DEFA4: variants seen among roughly 807,000 people sequenced by gnomAD.
DEFA4 encodes the protein defensin alpha 4, also known as corticostatin.
A neutral mutation model predicts 4.4 loss-of-function variants in DEFA4; 8 were observed. The observed-to-expected ratio is 1.82, with a 90% CI of 1.07 to 3.29. The LOEUF (loss-of-function observed/expected upper bound fraction) is 3.29. Ranked by LOEUF, DEFA4 falls within the 30% of genes most tolerant of loss-of-function variation. DEFA4 has a pLI of 0.00. For missense variants in DEFA4, 216 were observed against 127.0 expected (o/e 1.70, Z -3.37); for synonymous variants, 77 against 46.5 (o/e 1.66, Z -2.67).
Position 6,936,715 on chromosome 8 carries a change from T to A in DEFA4, c.172+13A>T. The A allele has an allele frequency of 6.3e-7, 1 of 1,577,794 alleles. No individual in the cohort carries two copies. Among genetic ancestry groups the A allele is most frequent in the African/African-American group, 1.4e-5 (1 of 73,858 alleles). On this transcript the variant is annotated intron_variant, in intron 2 of 2. Coordinates refer to ENST00000297435, the MANE Select transcript of DEFA4 (RefSeq NM_001925.3). Reference sequence around the variant, plus strand: ...TCTAGACTCGGTAGCTTTTTTATGCTGGCCTCTCTCACCTGAAACCTGAAG... The same window carrying A: ...TCTAGACTCGGTAGCTTTTTTATGCAGGCCTCTCTCACCTGAAACCTGAAG...
chr8:6,936,403 A>G (rs1440455792), intron 2 of DEFA4, among the ~76,000 whole-genome samples: 3 of 152,058 alleles, frequency 2.0e-5, no homozygotes, highest in African/African-American at 7.2e-5. Context: ...GCCCATCTCC[A>G]GTTTTTAAAA....
At position 6,936,029 on chromosome 8, in the gene DEFA4, AC is replaced by A. The variant is rs765263399; in HGVS notation, c.284del (p.Arg95LeufsTer22). 6.2e-7 allele frequency: 1 copy of A among 1,613,882 alleles called. No homozygotes were observed. The highest frequency in any genetic ancestry group is 8.5e-7 in the Non-Finnish European group (1 of 1,179,896). ...CTTGGACAGCAGAACGTTAATCGAC[AC>A]GCGTGCAGCAGTATGTGAAACTCAC... ...GGVSFTYCCTRVD is the reference protein window; with the variant it reads ...GGVSFTYCCTXVD On this transcript the variant is annotated frameshift_variant, in exon 3 of 3. Transcript: ENST00000297435. LOFTEE classifies it high-confidence loss of function.
In DEFA4 at chr8:6,935,955, G is replaced by C; in HGVS notation, c.*65C>G. On this transcript the variant is annotated 3_prime_UTR_variant, in exon 3 of 3. Coordinates refer to ENST00000297435, the MANE Select transcript of DEFA4 (RefSeq NM_001925.3). ...CTATTCTGCAAGCTCAGCTGCAGAA[G>C]CATGTGAAGCTAACACCACCGATGA... 1 of 1,607,814 alleles carries C rather than the reference G, an allele frequency of 6.2e-7. No homozygotes were observed. Among genetic ancestry groups the C allele is most frequent in the Non-Finnish European group, 8.5e-7 (1 of 1,175,038 alleles).
chr8:6,936,755 C>G lies in DEFA4; in HGVS notation c.145G>C (p.Asp49His). Residue 49 changes from aspartate (D) to histidine (H), a missense_variant, in exon 2 of 3, where the codon GAT (aspartate) becomes CAT (histidine). By Grantham distance (81) the Asp-to-His change is moderately conservative. Transcript: ENST00000297435. The stretch of plus-strand genomic sequence containing the variant: ...GAAACCTGAAGAGCAGAGCTTTTAT[C>G]CCATGCAAAGGAAATAGATATGTCC... ...DQDISISFAW[D>H]KSSALQVSGS... 1 of 1,610,488 alleles carries G rather than the reference C, an allele frequency of 6.2e-7. No individual in the cohort carries two copies. Among genetic ancestry groups the G allele is most frequent in the Non-Finnish European group, 8.5e-7 (1 of 1,178,142 alleles).
rs781455661 is a variant in DEFA4 at position 6,935,980 on chromosome 8, A to T, written c.*40T>A. ...GCATGTGAAGCTAACACCACCGATG[A>T]TGGCGTTCCCAGCATGACATTCTCT... On this transcript the variant is annotated 3_prime_UTR_variant, in exon 3 of 3. Transcript: ENST00000297435. The T allele has an allele frequency of 1.9e-6, 3 of 1,611,922 alleles. No individual in the cohort carries two copies. The highest frequency in any genetic ancestry group is 4.5e-5 in the East Asian group (2 of 44,846).
At chr8:6,936,401 C>G (rs1015456744) in intron 2 of DEFA4, among the ~76,000 whole-genome samples, 13 of 152,158 alleles carry the variant, frequency 8.5e-5, no homozygotes, top group Admixed American at 3.9e-4. Flanking sequence ...AAGCCCATCT[C>G]CAGTTTTTAA....
chr8:6,936,033 G>C lies in DEFA4; in HGVS notation c.281C>G (p.Thr94Arg), dbSNP rs772958227. Reference sequence around the variant, plus strand: ...GACAGCAGAACGTTAATCGACACGCGTGCAGCAGTATGTGAAACTCACACC... The same window carrying C: ...GACAGCAGAACGTTAATCGACACGCCTGCAGCAGTATGTGAAACTCACACC... Reference protein sequence around the residue: ...IGGVSFTYCCTRVD With the variant: ...IGGVSFTYCCRRVD The change falls in exon 3 of 3, where the codon ACG becomes AGG. Residue 94 changes from threonine (T) to arginine (R), a missense_variant. Physicochemically the swap from Thr to Arg is moderately conservative, Grantham distance 71. Coordinates refer to ENST00000297435, the MANE Select transcript of DEFA4 (RefSeq NM_001925.3). 3 of 1,613,834 alleles carry C rather than the reference G, an allele frequency of 1.9e-6. No individual in the cohort carries two copies. Among genetic ancestry groups the C allele is most frequent in the Non-Finnish European group, 2.5e-6 (3 of 1,179,894 alleles).
At chr8:6,937,657 G>C (rs889933015) in intron 1 of DEFA4, among the ~76,000 whole-genome samples, 4 of 152,150 alleles carry the variant, frequency 2.6e-5, no homozygotes, top group Admixed American at 6.5e-5. Flanking sequence ...CACATACAAA[G>C]ATAAAGCTTT....
rs775900577 is a variant in DEFA4, at chr8:6,936,711, A to G, written c.172+17T>C. 8.3e-6 allele frequency: 13 copies of G among 1,574,038 alleles called. No individual in the cohort carries two copies. The East Asian group carries it at 1.4e-4, about 17-fold the overall frequency. On this transcript the variant is annotated intron_variant, in intron 2 of 2. Transcript: ENST00000297435. ...TCTCTCTAGACTCGGTAGCTTTTTTATGCTGGCCTCTCTCACCTGAAACCT... is the reference window on the plus strand; with the variant it reads ...TCTCTCTAGACTCGGTAGCTTTTTTGTGCTGGCCTCTCTCACCTGAAACCT...
chr8:6,935,844 A>G lies in DEFA4; in HGVS notation c.*176T>C. ...ACATCTTGTTACGAGATATATATTT[A>G]GGATCAAGAAAGATGTTAAGGACAA... On this transcript the variant is annotated 3_prime_UTR_variant, in exon 3 of 3. Transcript: ENST00000297435. 2.6e-6 allele frequency: 2 copies of G among 765,576 alleles called. No homozygotes were observed. The highest frequency in any genetic ancestry group is 5.1e-5 in the East Asian group (2 of 39,336). The allele number at this position is 765,576 out of a possible 1,614,324, so 47.4% of individuals were successfully genotyped here.
chr8:6,936,020 T>G lies in DEFA4; in HGVS notation c.294A>C (p.Ter98TyrextTer30). 2 of 1,613,788 alleles carry G rather than the reference T, an allele frequency of 1.2e-6. No individual in the cohort carries two copies. The highest frequency in any genetic ancestry group is 8.5e-7 in the Non-Finnish European group (1 of 1,179,850). The change falls in exon 3 of 3, where the codon TAA becomes TAC. Residue 98 changes from the stop codon to tyrosine (Y), a stop_lost. Coordinates refer to ENST00000297435, the MANE Select transcript of DEFA4 (RefSeq NM_001925.3). ...SFTYCCTRVD[*>Y] Reference sequence around the variant, plus strand: ...TGACATTCTCTTGGACAGCAGAACGTTAATCGACACGCGTGCAGCAGTATG... The same window carrying G: ...TGACATTCTCTTGGACAGCAGAACGGTAATCGACACGCGTGCAGCAGTATG...
chr8:6,937,824 A>T (rs575414989), intron 1 of DEFA4, among the ~76,000 whole-genome samples: 3 of 152,306 alleles, frequency 2.0e-5, no homozygotes, highest in East Asian at 3.9e-4. Flanking sequence ...AGAAAATGAG[A>T]GAAAATGTTT....
chr8:6,936,981 G>T, intron 1 of DEFA4, 70 bp from the exon 2 acceptor site: 1 of 1,326,090 alleles, frequency 7.5e-7, no homozygotes, highest in Non-Finnish European at 9.9e-7. Context: ...GCTTTGCTGG[G>T]AGAAGGCACA....
intron 2 of DEFA4, 126 bp from the exon 3 acceptor site, chr8:6,936,267 A>G: frequency 8.3e-7 from 1 of 1,210,792 alleles, no homozygotes; most frequent in East Asian, 2.5e-5. Context: ...GGTAGCACAA[A>G]CAACCTTAGT....
At chr8:6,936,284 G>T in intron 2 of DEFA4, 143 bp from the exon 3 acceptor site, 1 of 1,002,354 alleles carries the variant, frequency 1.0e-6, no homozygotes, top group Non-Finnish European at 1.5e-6. Flanking sequence ...TAGTCAATAG[G>T]AATAAATACA....
intron 1 of DEFA4, 113 bp downstream of exon 1, chr8:6,938,113 G>A (rs1271314717): frequency 2.0e-5 from 3 of 152,204 alleles, no homozygotes; most frequent in African/African-American, 7.2e-5. Flanking sequence ...GTTCACAGCA[G>A]GGGCTTCACC....
At chr8:6,938,203 A>G (rs1237341934) in intron 1 of DEFA4, 23 bp downstream of exon 1, 1 of 152,190 alleles carries the variant, frequency 6.6e-6, no homozygotes, top group Non-Finnish European at 1.5e-5. Flanking sequence ...TCAATGTGAA[A>G]GTTTAAGTTT....
rs1808841084 is a variant in DEFA4 at position 6,936,155 on chromosome 8, G to C, written c.173-14C>G. 4.3e-6 allele frequency: 7 copies of C among 1,613,090 alleles called. No homozygotes were observed. Among genetic ancestry groups the C allele is most frequent in the Non-Finnish European group, 5.9e-6 (7 of 1,179,554 alleles). On this transcript the variant is annotated splice_polypyrimidine_tract_variant and intron_variant, in intron 2 of 2. Coordinates refer to ENST00000297435, the MANE Select transcript of DEFA4 (RefSeq NM_001925.3). Reference sequence around the variant, plus strand: ...CCCTTGTTGAGCCTGGGAACACAGAGGAAGCATGAGAAATTAAGCACCAAG... The same window carrying C: ...CCCTTGTTGAGCCTGGGAACACAGACGAAGCATGAGAAATTAAGCACCAAG...
intron 1 of DEFA4, 145 bp from the exon 2 acceptor site, chr8:6,937,056 C>T: frequency 1.6e-6 from 1 of 618,834 alleles, no homozygotes; most frequent in Non-Finnish European, 2.6e-6. Context: ...AGGATGCCGA[C>T]TCCTATTGGC....
Sources: allele counts gnomAD v4.1 joint callset (sites outside exome capture counted in the v4.1 genomes callset), GRCh38; gene constraint gnomAD v4.1.1; transcripts MANE v1.5; gene names NCBI Gene and HGNC (gene_info 2026-07-23, HGNC 2026-07-21).